The following PLA2G4A variants were observed in gnomAD, a reference collection of about 807,000 sequenced individuals.
PLA2G4A encodes phospholipase A2 group IVA, also known as cytosolic phospholipase A2.
PLA2G4A carries 40 observed loss-of-function variants against 81.9 expected under a neutral mutation model. That is an observed-to-expected ratio of 0.49 (90% confidence interval 0.38 to 0.64). PLA2G4A has a LOEUF of 0.64. Among genes scored for constraint, PLA2G4A ranks in the 30% least tolerant of loss-of-function variants. The probability of loss-of-function intolerance (pLI) is 0.00; values close to 1 mark genes in which losing one functional copy is unlikely to be tolerated. For missense variants in PLA2G4A, 715 were observed against 905.1 expected (o/e 0.79, Z 2.69); for synonymous variants, 302 against 296.9 (o/e 1.02, Z -0.18).
At chr1:186,849,589 T>C (rs1652301927) in intron 1 of PLA2G4A, among the ~76,000 whole-genome samples, 1 of 152,022 alleles carries the variant, frequency 6.6e-6, no homozygotes, top group Non-Finnish European at 1.5e-5. Context: ...CCACTTGTCT[T>C]CTCTCAGTTC....
intron 7 of PLA2G4A, among the ~76,000 whole-genome samples, chr1:186,923,135 T>A (rs1162248664): frequency 6.6e-6 from 1 of 152,172 alleles, no homozygotes; most frequent in Non-Finnish European, 1.5e-5. Context: ...CCTCCCTTAC[T>A]GGGATTACAA....
intron 2 of PLA2G4A, among the ~76,000 whole-genome samples, chr1:186,857,702 T>A (rs992119481): frequency 2.6e-5 from 4 of 151,390 alleles, no homozygotes; most frequent in African/African-American, 4.9e-5. Context: ...GCTGCACCTA[T>A]TAACTCATCA....
chr1:186,988,462 C>T lies in PLA2G4A; in HGVS notation c.2204C>T (p.Ala735Val). The T allele has an allele frequency of 6.2e-7, 1 of 1,611,148 alleles. No individual in the cohort carries two copies. The highest frequency in any genetic ancestry group is 8.5e-7 in the Non-Finnish European group (1 of 1,177,606). ...RCSVSLSNVE[A>V]RRFFNKEFLS... ...TCTGTTTCCCTTAGTAATGTTGAGG[C>T]AAGAAGATTTTTCAACAAGGAGTTT... The change falls in exon 18 of 18, where the codon GCA (alanine) becomes GTA (valine). Residue 735 changes from alanine (A) to valine (V), a missense_variant. Physicochemically the swap from Ala to Val is moderately conservative, Grantham distance 64 (BLOSUM62 0). Transcript: ENST00000367466.
intron 13 of PLA2G4A, among the ~76,000 whole-genome samples, chr1:186,951,959 G>C (rs1482506350): frequency 2.0e-5 from 3 of 152,096 alleles, no homozygotes; most frequent in Non-Finnish European, 4.4e-5. Flanking sequence ...CAGCAGCCCT[G>C]ATCATTAAGC....
intron 15 of PLA2G4A, among the ~76,000 whole-genome samples, chr1:186,969,603 A>G (rs1657269966): frequency 6.6e-6 from 1 of 151,664 alleles, no homozygotes; most frequent in Non-Finnish European, 1.5e-5. Flanking sequence ...TATACTTTCT[A>G]TTTCCATTAA....
intron 6 of PLA2G4A, among the ~76,000 whole-genome samples, chr1:186,910,498 G>A (rs1306841016): frequency 3.3e-5 from 5 of 151,958 alleles, no homozygotes; most frequent in Non-Finnish European, 7.4e-5. Context: ...TAACCTCTCA[G>A]GGCATTAGTT....
intron 1 of PLA2G4A, among the ~76,000 whole-genome samples, chr1:186,836,223 TTAA>T (rs1651771044): frequency 1.3e-5 from 2 of 151,368 alleles, no homozygotes; most frequent in Admixed American, 1.3e-4. Context: ...ATTAATATAA[TTAA>T]TAATCAATAT....
chr1:186,966,223 G>C (rs1657125802), intron 15 of PLA2G4A, among the ~76,000 whole-genome samples: 1 of 151,956 alleles, frequency 6.6e-6, no homozygotes, highest in Admixed American at 6.6e-5. Flanking sequence ...TGTGTGTGTG[G>C]GTGGTTGGGG....
At chr1:186,872,829 G>C (rs72707570) in intron 3 of PLA2G4A, among the ~76,000 whole-genome samples, 40,717 of 152,004 alleles carry the variant, frequency 0.27, 6,894 homozygotes, top group Non-Finnish European at 0.39. Flanking sequence ...TTTAGGTTTT[G>C]GTTCCCCACA....
chr1:186,845,759 C>T (rs551775365), intron 1 of PLA2G4A, among the ~76,000 whole-genome samples: 73 of 152,322 alleles, frequency 4.8e-4, no homozygotes, highest in African/African-American at 1.7e-3. Flanking sequence ...AGAAGTCCAT[C>T]TTGCCCTGAC....
At position 186,950,724 on chromosome 1, in the gene PLA2G4A, CA is replaced by C; in HGVS notation, c.1335del (p.Gly446AlafsTer23). 6.3e-7 allele frequency: 1 copy of C among 1,580,404 alleles called. No homozygotes were observed. Among genetic ancestry groups the C allele is most frequent in the Non-Finnish European group, 8.7e-7 (1 of 1,149,682 alleles). On this transcript the variant is annotated frameshift_variant, in exon 13 of 18. Coordinates refer to ENST00000367466, the MANE Select transcript of PLA2G4A (RefSeq NM_024420.3). LOFTEE classifies it high-confidence loss of function. Reference protein sequence around the residue: ...SDSDDESHEPKGTENEDAGSD... With the variant: ...SDSDDESHEPXGTENEDAGSD... The stretch of plus-strand genomic sequence containing the variant: ...ACAGTGATGATGAATCACACGAACC[CA>C]AAGGTGAGTGAGCCGGAAACTTTTC...
chr1:186,839,965 CTTTTTTTTT>C (rs61704569), intron 1 of PLA2G4A, among the ~76,000 whole-genome samples: 8 of 75,018 alleles, frequency 1.1e-4, no homozygotes, highest in Admixed American at 3.5e-4. Context: ...TAATTGACTT[CTTTTTTTTT>C]TTTTTTTTTT....
Position 186,979,185 on chromosome 1 carries a change from A to C in PLA2G4A, c.1961-130A>C, listed in dbSNP as rs563641281. ...CACACAGACACGATAAAAGTCAGAG[A>C]TGCTACAGAGTACCTGGCTCTGTGG... On this transcript the variant is annotated intron_variant, in intron 16 of 17. Coordinates refer to ENST00000367466, the MANE Select transcript of PLA2G4A (RefSeq NM_024420.3). The C allele has an allele frequency of 1.9e-4, 133 of 717,770 alleles. 2 individuals carry two copies. Among genetic ancestry groups the C allele is most frequent in the South Asian group, 1.8e-3 (119 of 66,074 alleles). The allele number at this position is 717,770 out of a possible 1,614,324, so 44.5% of individuals were successfully genotyped here.
Position 186,965,458 on chromosome 1 carries a change from A to T in PLA2G4A, c.1629A>T (p.Lys543Asn). 1 of 1,612,362 alleles carries T rather than the reference A, an allele frequency of 6.2e-7. No homozygotes were observed. Among genetic ancestry groups the T allele is most frequent in the Non-Finnish European group, 8.5e-7 (1 of 1,178,366 alleles). ...RIYEPLDVKS[K>N]KIHVVDSGLT... Reference sequence around the variant, plus strand: ...ATGAGCCTCTGGATGTCAAAAGTAAAAAGATTCATGTAGTGGACAGTGGGC... The same window carrying T: ...ATGAGCCTCTGGATGTCAAAAGTAATAAGATTCATGTAGTGGACAGTGGGC... Residue 543 changes from lysine to asparagine, a missense_variant, in exon 15 of 18, where the codon AAA becomes AAT. Coordinates refer to ENST00000367466, the MANE Select transcript of PLA2G4A (RefSeq NM_024420.3).
In PLA2G4A at chr1:186,893,191, T is replaced by C. The variant is rs577736921; in HGVS notation, c.264+32T>C. 3.3e-4 allele frequency: 523 copies of C among 1,580,440 alleles called. 6 individuals carry two copies. In the South Asian group the frequency reaches 5.6e-3, roughly 17 times the overall value. On this transcript the variant is annotated intron_variant, in intron 4 of 17. Transcript: ENST00000367466. ...GAACCATTTGGATGCTGTTAGATGG[T>C]TGTGATTCATGTTGAGAGACATGCT...
intron 14 of PLA2G4A, among the ~76,000 whole-genome samples, chr1:186,962,579 C>T (rs1266763948): frequency 1.3e-5 from 2 of 151,552 alleles, no homozygotes; most frequent in East Asian, 1.9e-4. Flanking sequence ...TGCAGTGCAG[C>T]GGCGCGATCT....
chr1:186,875,661 TTGTGTGATATTTGAC>T (rs1399669394), intron 3 of PLA2G4A, among the ~76,000 whole-genome samples: 7 of 152,172 alleles, frequency 4.6e-5, no homozygotes, highest in Admixed American at 3.3e-4. Context: ...TAATTGGTGA[TTGTGTGATATTTGAC>T]TGTGTGATAT....
At chr1:186,916,988 C>T (rs1338375653) in intron 7 of PLA2G4A, among the ~76,000 whole-genome samples, 1 of 152,164 alleles carries the variant, frequency 6.6e-6, no homozygotes, top group Non-Finnish European at 1.5e-5. Context: ...TGTCGTCCTC[C>T]TCAGAGTCAC....
intron 7 of PLA2G4A, among the ~76,000 whole-genome samples, chr1:186,912,116 A>G (rs1654965916): frequency 6.6e-6 from 1 of 152,174 alleles, no homozygotes; most frequent in African/African-American, 2.4e-5. Context: ...GTCTTTACTC[A>G]GTGTGCTGAT....
Sources: gnomAD v4.1 joint callset for allele counts (sites outside exome capture counted in the v4.1 genomes callset) on GRCh38, gnomAD v4.1.1 for gene constraint, MANE v1.5 for transcripts, NCBI Gene and HGNC (gene_info 2026-07-23, HGNC 2026-07-21) for gene names.